ZNF516: variants seen among roughly 807,000 people sequenced by gnomAD.
The protein encoded by ZNF516 is zinc finger protein 516.
A neutral mutation model predicts 79.7 loss-of-function variants in ZNF516; 19 were observed. The ratio of observed to expected loss-of-function variants is 0.24; its 90% CI spans 0.17 to 0.35. ZNF516 has a LOEUF of 0.35. Ranked by LOEUF, ZNF516 falls within the 10% of genes least tolerant of loss-of-function variation. ZNF516 has a pLI of 1.00. For synonymous variants in ZNF516, 877 were observed against 739.5 expected, an observed-to-expected ratio of 1.19 and a Z score of -3.02; for missense variants, 1,678 against 1,679.5, an observed-to-expected ratio of 1.00 and a Z score of 0.02.
chr18:76,403,128 A>G (rs1385715950), intron 3 of ZNF516, among the ~76,000 whole-genome samples: 1 of 152,192 alleles, frequency 6.6e-6, no homozygotes, highest in African/African-American at 2.4e-5. Context: ...GTAATTACCC[A>G]TGTTTATCTA....
intron 2 of ZNF516, among the ~76,000 whole-genome samples, chr18:76,460,920 C>T (rs780154233): frequency 4.3e-4 from 65 of 152,266 alleles, no homozygotes; most frequent in Non-Finnish European, 6.5e-4. Context: ...CGGTGGCTCA[C>T]GCCTGTAATC....
intron 3 of ZNF516, among the ~76,000 whole-genome samples, chr18:76,384,474 G>A (rs566671815): frequency 5.7e-4 from 25 of 44,086 alleles, no homozygotes; most frequent in South Asian, 4.5e-3. Flanking sequence ...ACCACGACCC[G>A]CACACCTTTC....
At position 76,379,852 on chromosome 18, in the gene ZNF516, C is replaced by T; in HGVS notation, c.2262G>A (p.Gln754=). The change falls in exon 4 of 7, where the codon CAG becomes CAA. Residue 754 remains glutamine, a synonymous_variant. Coordinates refer to ENST00000443185, the MANE Select transcript of ZNF516 (RefSeq NM_014643.4). The stretch of plus-strand genomic sequence containing the variant: ...GACACGGGTGAACGACTAAAGCCGC[C>T]TGCAGGGAGGAGGCCGTCTCCTTAT... ...PSNKETASSL[Q]AALVVHPCPY... 1 of 1,613,904 alleles carries T rather than the reference C, an allele frequency of 6.2e-7. No homozygotes were observed. The highest frequency in any genetic ancestry group is 8.5e-7 in the Non-Finnish European group (1 of 1,179,866).
chr18:76,491,210 A>T, intron 1 of ZNF516: 1 of 708,146 alleles, frequency 1.4e-6, no homozygotes, highest in Non-Finnish European at 1.7e-6. Flanking sequence ...CGCCGCGCGG[A>T]CCCCCGCCTG....
intron 1 of ZNF516, among the ~76,000 whole-genome samples, chr18:76,480,159 TAAAAAAAAAAAA>T (rs539724418): frequency 5.5e-5 from 6 of 109,208 alleles, no homozygotes; most frequent in African/African-American, 2.1e-4. Context: ...AGATTTTGTG[TAAAAAAAAAAAA>T]AAAAAAAAAA....
intron 3 of ZNF516, among the ~76,000 whole-genome samples, chr18:76,427,346 A>G (rs1242556393): frequency 6.6e-6 from 1 of 152,238 alleles, no homozygotes; most frequent in African/African-American, 2.4e-5. Flanking sequence ...AAGCACACAA[A>G]GATTGAGTCT....
At position 76,451,422 on chromosome 18, in the gene ZNF516, T is replaced by TGAAC. The variant is rs1912406876; in HGVS notation, c.-157-8215_-157-8212dup. Among the ~76,000 whole-genome samples the TGAAC allele has an allele frequency of 6.6e-6, 1 of 151,192 alleles. No individual in the cohort carries two copies. The highest frequency in any genetic ancestry group is 6.6e-5 in the Admixed American group (1 of 15,188). ...GGGCATTCCTCAGGAGGGGCTGGAG[T>TGAAC]GAACGGGAGGAATTGGGGAGGGAGG... On this transcript the variant is annotated intron_variant, in intron 2 of 6. Transcript: ENST00000443185. This position sits in a 1 kb window ranked among gnomAD's most constrained non-coding sequence, Gnocchi z 6.0.
chr18:76,416,349 GA>G, intron 3 of ZNF516, among the ~76,000 whole-genome samples: 1 of 152,346 alleles, frequency 6.6e-6, no homozygotes, highest in East Asian at 1.9e-4. Flanking sequence ...CCAAGTCTGT[GA>G]GAATGCTGTG....
rs1449506634 is a variant in ZNF516 at position 76,459,782 on chromosome 18, G to A, written c.-158+3246C>T. ...CCATCACAACGCGGGAGGATTCAGG[G>A]CCAACTGCAGGCCCCCGGAGACGAG... On this transcript the variant is annotated intron_variant, in intron 2 of 6. Transcript: ENST00000443185. The surrounding 1 kb of genome is among the most constrained non-coding windows in gnomAD (Gnocchi z 5.0). Among the ~76,000 whole-genome samples the A allele has an allele frequency of 6.6e-6, 1 of 152,170 alleles. No homozygotes were observed. The highest frequency in any genetic ancestry group is 1.5e-5 in the Non-Finnish European group (1 of 68,034).
chr18:76,359,592 G>C lies in ZNF516; in HGVS notation c.*2906C>G, dbSNP rs1207468644. ...GGAGAGTATAGGAAGGCAGGCCAGG[G>C]TGCAGCCAGGCCCCAGCAGGGGCAG... On this transcript the variant is annotated 3_prime_UTR_variant, in exon 7 of 7. Transcript: ENST00000443185. The C allele has an allele frequency of 6.6e-6, 1 of 152,184 alleles. No homozygotes were observed. Among genetic ancestry groups the C allele is most frequent in the African/African-American group, 2.4e-5 (1 of 41,406 alleles). 9.4% of individuals were successfully genotyped at this position (152,184 alleles called of 1,614,324 possible).
At position 76,467,451 on chromosome 18, in the gene ZNF516, T is replaced by C. The variant is rs1451417416; in HGVS notation, c.-271-4310A>G. On this transcript the variant is annotated intron_variant, in intron 1 of 6. Transcript: ENST00000443185. The surrounding 1 kb of genome is among the most constrained non-coding windows in gnomAD (Gnocchi z 4.2). ...TTTGGGCAAACGCTCTGCCCTGAGA[T>C]CTCTCTCGCCCTAACTAGATATTAA... is the stretch of plus-strand genomic sequence containing the variant. Among the ~76,000 whole-genome samples the C allele has an allele frequency of 6.6e-6, 1 of 152,100 alleles. No homozygotes were observed. The highest frequency in any genetic ancestry group is 2.4e-5 in the African/African-American group (1 of 41,410).
intron 3 of ZNF516, among the ~76,000 whole-genome samples, chr18:76,418,109 T>C (rs1475639635): frequency 6.6e-6 from 1 of 152,218 alleles, no homozygotes; most frequent in Non-Finnish European, 1.5e-5. Flanking sequence ...TGTAACAGAC[T>C]GTAACATACT....
intron 3 of ZNF516, among the ~76,000 whole-genome samples, chr18:76,428,525 C>T (rs900955794): frequency 1.4e-4 from 22 of 152,092 alleles, no homozygotes; most frequent in Non-Finnish European, 7.3e-5. Flanking sequence ...GATCAACAGG[C>T]AAATAGAACA....
Position 76,372,001 on chromosome 18 carries a change from C to T in ZNF516, c.3260-430G>A, listed in dbSNP as rs116707114. ...ACCAGAGCCCACCGTGACCCGGCCG[C>T]GATCCTGGGAGACCCACGCAGAGTG... On this transcript the variant is annotated intron_variant, in intron 4 of 6. Transcript: ENST00000443185. Among the ~76,000 whole-genome samples, 938 of 152,338 alleles carry T rather than the reference C, an allele frequency of 6.2e-3. 6 individuals are homozygous for T. The highest frequency in any genetic ancestry group is 0.021 in the African/African-American group (893 of 41,582).
Position 76,380,046 on chromosome 18 carries a change from C to T in ZNF516, c.2068G>A (p.Gly690Ser), listed in dbSNP as rs771723931. The stretch of plus-strand genomic sequence containing the variant: ...CCCGTACTGGAAGGGAACTCCACAC[C>T]ATCACCAGGGACGGGCACCTCCTGC... ...PKQEVPVPGDGVEFPSSTGAE... is the reference protein window; with the variant it reads ...PKQEVPVPGDSVEFPSSTGAE... Residue 690 changes from glycine (G) to serine (S), a missense_variant, in exon 4 of 7, where the codon GGT (glycine) becomes AGT (serine). Gly to Ser is a moderately conservative substitution (Grantham distance 56, BLOSUM62 0). Coordinates refer to ENST00000443185, the MANE Select transcript of ZNF516 (RefSeq NM_014643.4). 8.7e-6 allele frequency: 14 copies of T among 1,613,812 alleles called. No homozygotes were observed. The highest frequency in any genetic ancestry group is 1.2e-5 in the Non-Finnish European group (14 of 1,179,884).
At chr18:76,496,226 T>C (rs1008803861), upstream of ZNF516, 1 of 1,241,740 alleles carries the variant, frequency 8.1e-7, no homozygotes, top group Non-Finnish European at 1.0e-6. Flanking sequence ...GCCGGTGACG[T>C]AGACCCGGGG....
At chr18:76,376,820 C>A (rs567075463) in intron 4 of ZNF516, among the ~76,000 whole-genome samples, 1 of 152,184 alleles carries the variant, frequency 6.6e-6, no homozygotes, top group South Asian at 2.1e-4. Flanking sequence ...ACTATGAGTC[C>A]GGTGGATCAA....
At chr18:76,492,078 T>A (rs1915262280) in intron 1 of ZNF516, 2 of 842,680 alleles carry the variant, frequency 2.4e-6, no homozygotes, top group Non-Finnish European at 1.4e-6. Context: ...ATGGACGAGG[T>A]CCCTCCCAGG....
intron 4 of ZNF516, among the ~76,000 whole-genome samples, chr18:76,372,555 A>C (rs2074724840): frequency 1.3e-5 from 2 of 152,268 alleles, no homozygotes. Context: ...TGAACAGCAA[A>C]TGAAGAGAAT....
Sources: gnomAD v4.1 joint callset for allele counts (sites outside exome capture counted in the v4.1 genomes callset) on GRCh38, gnomAD v4.1.1 for gene constraint, Gnocchi (gnomAD v3.1) non-coding constraint, MANE v1.5 for transcripts, NCBI Gene and HGNC (gene_info 2026-07-23, HGNC 2026-07-21) for gene names.